CLEC16A: variants seen among roughly 807,000 people sequenced by gnomAD.
CLEC16A encodes C-type lectin domain containing 16A.
In CLEC16A, 51 loss-of-function variants were observed where a neutral mutation model predicts 109.5. The observed-to-expected ratio is 0.47, with a 90% CI of 0.37 to 0.59. The LOEUF (loss-of-function observed/expected upper bound fraction) is 0.59. Among genes scored for constraint, CLEC16A ranks in the 20% least tolerant of loss-of-function variants. CLEC16A has a pLI of 0.00. For missense variants in CLEC16A, 1,339 were observed against 1,394.0 expected (o/e 0.96, Z 0.63); for synonymous variants, 673 against 564.2 (o/e 1.19, Z -2.73).
chr16:11,074,372 G>A (rs1597296543), intron 19 of CLEC16A, among the ~76,000 whole-genome samples: 3 of 152,190 alleles, frequency 2.0e-5, no homozygotes, highest in African/African-American at 7.2e-5. Context: ...GTAGAAATAT[G>A]GAGAAATGAA....
chr16:11,070,036 C>G (rs1308689683), intron 19 of CLEC16A, among the ~76,000 whole-genome samples: 1 of 151,500 alleles, frequency 6.6e-6, no homozygotes, highest in Non-Finnish European at 1.5e-5. Flanking sequence ...GTTACCTTCT[C>G]TCCCAGCTTC....
chr16:10,987,178 T>G (rs1334453266), intron 10 of CLEC16A, among the ~76,000 whole-genome samples: 1 of 151,966 alleles, frequency 6.6e-6, no homozygotes, highest in Non-Finnish European at 1.5e-5. Flanking sequence ...TTTTTTTAAT[T>G]GAAATTTTTT....
At chr16:10,999,367 A>G (rs564709030) in intron 10 of CLEC16A, among the ~76,000 whole-genome samples, 1 of 152,346 alleles carries the variant, frequency 6.6e-6, no homozygotes, top group Admixed American at 6.5e-5. Context: ...CAAGATGCCA[A>G]TACATTCTTA....
At chr16:11,136,993 T>C (rs887914728) in intron 22 of CLEC16A, among the ~76,000 whole-genome samples, 2 of 152,242 alleles carry the variant, frequency 1.3e-5, no homozygotes, top group African/African-American at 4.8e-5. Flanking sequence ...TTCTGAAGCA[T>C]ATTCAGAGGC....
chr16:11,049,391 T>A (rs1382619726), intron 17 of CLEC16A, among the ~76,000 whole-genome samples: 1 of 152,134 alleles, frequency 6.6e-6, no homozygotes, highest in Non-Finnish European at 1.5e-5. Context: ...AGAGGCCTCA[T>A]GGGTCCATAC....
chr16:11,133,639 C>T (rs1011112216), intron 22 of CLEC16A, among the ~76,000 whole-genome samples: 1 of 152,220 alleles, frequency 6.6e-6, no homozygotes, highest in African/African-American at 2.4e-5. Context: ...GACATCAGTT[C>T]AGACCTCCCC....
intron 10 of CLEC16A, among the ~76,000 whole-genome samples, chr16:11,000,924 C>CA (rs1486538306): frequency 6.6e-6 from 1 of 152,092 alleles, no homozygotes; most frequent in Non-Finnish European, 1.5e-5. Context: ...TAATCTATAT[C>CA]AAGATAATGG....
intron 23 of CLEC16A, among the ~76,000 whole-genome samples, chr16:11,169,280 G>C (rs1276260527): frequency 6.6e-5 from 10 of 151,942 alleles, no homozygotes; most frequent in Non-Finnish European, 1.5e-4. Context: ...CCATTGATTT[G>C]TTTTTTGTTT....
Position 11,174,064 on chromosome 16 carries a change from G to A in CLEC16A, c.2807-4271G>A, listed in dbSNP as rs1242078530. ...CCCTCGCCCCTCGTCAGTGCTCAGC[G>A]TCCGCTGCTGCTCAGTGTCCCCTCC... On this transcript the variant is annotated intron_variant, in intron 23 of 23. Coordinates refer to ENST00000409790, the MANE Select transcript of CLEC16A (RefSeq NM_015226.3). This position sits in a 1 kb window ranked among gnomAD's most constrained non-coding sequence, Gnocchi z 4.7. The A allele has an allele frequency of 2.2e-5, 9 of 411,258 alleles. No individual in the cohort carries two copies. The highest frequency in any genetic ancestry group is 1.0e-4 in the Admixed American group (4 of 39,066). The allele number at this position is 411,258 out of a possible 1,614,324, so 25.5% of individuals were successfully genotyped here.
chr16:11,129,310 TAACA>T (rs1315478660), intron 22 of CLEC16A, among the ~76,000 whole-genome samples: 1 of 152,248 alleles, frequency 6.6e-6, no homozygotes, highest in Non-Finnish European at 1.5e-5. Context: ...TATGCATAAC[TAACA>T]TAGTTTTCTA....
chr16:10,954,443 A>G lies in CLEC16A; in HGVS notation c.81-3339A>G, dbSNP rs764851874. On this transcript the variant is annotated intron_variant, in intron 1 of 23. Transcript: ENST00000409790. The surrounding 1 kb of genome is among the most constrained non-coding windows in gnomAD (Gnocchi z 4.2). ...CTTTTTCCCCCAGAAATTATTTAAT[A>G]AGGGCAACAATAACAATAGCTAGCA... 1.7e-4 allele frequency among the ~76,000 whole-genome samples: 26 copies of G among 152,186 alleles called. No individual in the cohort carries two copies. Among genetic ancestry groups the G allele is most frequent in the Non-Finnish European group, 3.4e-4 (23 of 68,042 alleles).
intron 19 of CLEC16A, among the ~76,000 whole-genome samples, chr16:11,088,683 C>G (rs868083313): frequency 6.6e-6 from 1 of 152,118 alleles, no homozygotes; most frequent in African/African-American, 2.4e-5. Flanking sequence ...GCTTGGCACC[C>G]CTGCTCCTTT....
chr16:11,112,495 CAAAAAA>C (rs984574100), intron 19 of CLEC16A, among the ~76,000 whole-genome samples: 8 of 85,598 alleles, frequency 9.3e-5, no homozygotes, highest in East Asian at 3.9e-4. Context: ...CCTATCTCTA[CAAAAAA>C]AAAAAAAAAA....
At position 11,178,855 on chromosome 16, in the gene CLEC16A, G is replaced by A; in HGVS notation, c.*165G>A. 3.5e-6 allele frequency: 2 copies of A among 565,046 alleles called. No individual in the cohort carries two copies. Among genetic ancestry groups the A allele is most frequent in the Admixed American group, 3.5e-5 (1 of 28,710 alleles). 35.0% of individuals were successfully genotyped at this position (565,046 alleles called of 1,614,324 possible). On this transcript the variant is annotated 3_prime_UTR_variant, in exon 24 of 24. Transcript: ENST00000409790. This position sits in a 1 kb window ranked among gnomAD's most constrained non-coding sequence, Gnocchi z 6.5. ...CTTGAATGGGAAGAAGCCCCACGTT[G>A]TCCTTGAATTCCTTTTTCACTTTGC...
chr16:11,162,281 C>A (rs1461928474), intron 22 of CLEC16A, among the ~76,000 whole-genome samples: 1 of 152,208 alleles, frequency 6.6e-6, no homozygotes, highest in African/African-American at 2.4e-5. Context: ...TTTCCCCCCA[C>A]TGTTGGAGTG....
intron 16 of CLEC16A, among the ~76,000 whole-genome samples, chr16:11,046,894 C>G (rs1256073774): frequency 6.6e-6 from 1 of 152,172 alleles, no homozygotes; most frequent in Non-Finnish European, 1.5e-5. Context: ...AGGTGTGGAG[C>G]CTTGTATCTT....
intron 13 of CLEC16A, among the ~76,000 whole-genome samples, chr16:11,039,333 A>G (rs1239811684): frequency 1.3e-5 from 2 of 152,234 alleles, no homozygotes; most frequent in African/African-American, 4.8e-5. Flanking sequence ...TTAAAATATT[A>G]TTACTGGCAA....
intron 22 of CLEC16A, 77 bp downstream of exon 22, chr16:11,126,223 G>C: frequency 2.4e-5 from 38 of 1,589,880 alleles, no homozygotes; most frequent in Non-Finnish European, 3.3e-5. Context: ...TGTGGAGCCT[G>C]TGTGAGCTGC....
chr16:11,005,114 C>G (rs1043121307), intron 11 of CLEC16A, among the ~76,000 whole-genome samples: 2 of 152,322 alleles, frequency 1.3e-5, no homozygotes, highest in East Asian at 3.9e-4. Context: ...TCATTCCAGT[C>G]CTTTTAAGGA....
Sources: allele counts gnomAD v4.1 joint callset (sites outside exome capture counted in the v4.1 genomes callset), GRCh38; gene constraint gnomAD v4.1.1; non-coding constraint Gnocchi (gnomAD v3.1); transcripts MANE v1.5; gene names NCBI Gene and HGNC (gene_info 2026-07-23, HGNC 2026-07-21).